Variants in CSMD1 observed in about 807,000 individuals in gnomAD.
CSMD1 encodes the protein CUB and Sushi multiple domains 1.
A neutral mutation model predicts 417.5 loss-of-function variants in CSMD1; 213 were observed. The ratio of observed to expected loss-of-function variants is 0.51; its 90% CI spans 0.46 to 0.57. The LOEUF is 0.57. CSMD1 is among the 20% of genes least tolerant of loss of function. The pLI, the probability that CSMD1 is intolerant of heterozygous loss-of-function variation, is 0.00. For synonymous variants in CSMD1, 2,862 were observed against 1,736.8 expected, an observed-to-expected ratio of 1.65 and a Z score of -16.11; for missense variants, 6,923 against 4,529.7, an observed-to-expected ratio of 1.53 and a Z score of -15.17.
At chr8:3,492,579 G>A (rs909782370) in intron 11 of CSMD1, among the ~76,000 whole-genome samples, 1 of 152,236 alleles carries the variant, frequency 6.6e-6, no homozygotes, top group Non-Finnish European at 1.5e-5. Context: ...CAGAGAGGAA[G>A]TACACCCTCA....
chr8:4,051,507 T>C (rs549380539), intron 3 of CSMD1, among the ~76,000 whole-genome samples: 6 of 152,264 alleles, frequency 3.9e-5, no homozygotes, highest in Non-Finnish European at 7.3e-5. Context: ...TGTATTTCCA[T>C]GACCTAGCAC....
rs182023034 is a variant in CSMD1 at position 3,690,888 on chromosome 8, A to G, written c.1009+17526T>C. On this transcript the variant is annotated intron_variant, in intron 7 of 69. Coordinates refer to ENST00000635120, the MANE Select transcript of CSMD1 (RefSeq NM_033225.6). ...AATACATTGATTTCATTTAATGTATAAATAAATTAAATAACAACAAATAAA... is the reference window on the plus strand; with the variant it reads ...AATACATTGATTTCATTTAATGTATGAATAAATTAAATAACAACAAATAAA... Among the ~76,000 whole-genome samples the G allele has an allele frequency of 5.2e-3, 797 of 152,342 alleles. 2 individuals carry two copies. Among genetic ancestry groups the G allele is most frequent in the Non-Finnish European group, 8.3e-3 (563 of 68,044 alleles).
intron 2 of CSMD1, among the ~76,000 whole-genome samples, chr8:4,466,565 A>C (rs1390955047): frequency 6.6e-6 from 1 of 152,258 alleles, no homozygotes; most frequent in Non-Finnish European, 1.5e-5. Context: ...ATGGGCAAAC[A>C]AATGCCAACA....
chr8:4,346,635 G>A (rs1037722573), intron 3 of CSMD1, among the ~76,000 whole-genome samples: 3 of 152,158 alleles, frequency 2.0e-5, no homozygotes, highest in African/African-American at 4.8e-5. Flanking sequence ...GAAAAAAATG[G>A]TAAGTGAAAT....
intron 37 of CSMD1, among the ~76,000 whole-genome samples, chr8:3,168,516 G>A (rs147474263): frequency 4.1e-4 from 62 of 152,234 alleles, no homozygotes; most frequent in African/African-American, 1.4e-3. Flanking sequence ...GACATCATGT[G>A]AGCCTGACAA....
intron 5 of CSMD1, among the ~76,000 whole-genome samples, chr8:3,805,289 G>T (rs536782482): frequency 3.3e-5 from 5 of 152,134 alleles, no homozygotes; most frequent in Non-Finnish European, 7.4e-5. Flanking sequence ...AGAGGAAGGA[G>T]CCACAGATTC....
At chr8:3,967,478 A>T (rs1205314149) in intron 5 of CSMD1, among the ~76,000 whole-genome samples, 1 of 151,312 alleles carries the variant, frequency 6.6e-6, no homozygotes, top group Non-Finnish European at 1.5e-5. Context: ...AAACAGATGG[A>T]AAGTTGTTGA....
At chr8:4,327,248 C>G (rs779703173) in intron 3 of CSMD1, among the ~76,000 whole-genome samples, 2 of 152,152 alleles carry the variant, frequency 1.3e-5, no homozygotes, top group Admixed American at 6.5e-5. Context: ...GTGTTTAATA[C>G]AAACGTCCAT....
At chr8:4,698,551 G>A (rs1440849925) in intron 1 of CSMD1, among the ~76,000 whole-genome samples, 2 of 151,796 alleles carry the variant, frequency 1.3e-5, no homozygotes, top group Non-Finnish European at 2.9e-5. Context: ...TTTTGAGACA[G>A]GGACAGATTT....
At chr8:3,983,995 G>T (rs199644891) in intron 5 of CSMD1, among the ~76,000 whole-genome samples, 10 of 32,650 alleles carry the variant, frequency 3.1e-4, no homozygotes, top group Admixed American at 1.7e-3. Flanking sequence ...TAGAGCACAG[G>T]GCAGATCTGA....
chr8:3,881,540 G>A (rs545519692), intron 5 of CSMD1, among the ~76,000 whole-genome samples: 3 of 150,276 alleles, frequency 2.0e-5, no homozygotes, highest in Non-Finnish European at 3.0e-5. Flanking sequence ...AGGAGGCTGA[G>A]GTTGCATTGA....
At chr8:4,346,751 G>A (rs890554993) in intron 3 of CSMD1, among the ~76,000 whole-genome samples, 7 of 152,072 alleles carry the variant, frequency 4.6e-5, no homozygotes, top group African/African-American at 1.7e-4. Flanking sequence ...TAAATTAACA[G>A]AATTCTTATC....
intron 1 of CSMD1, among the ~76,000 whole-genome samples, chr8:4,723,411 T>A (rs1002645252): frequency 3.3e-5 from 5 of 152,042 alleles, no homozygotes; most frequent in African/African-American, 1.2e-4. Flanking sequence ...AAAAAGAGGG[T>A]TTAATACTTT....
At chr8:4,966,405 A>C (rs1809861764) in intron 1 of CSMD1, among the ~76,000 whole-genome samples, 1 of 152,022 alleles carries the variant, frequency 6.6e-6, no homozygotes, top group Non-Finnish European at 1.5e-5. Flanking sequence ...ACAAAAAAAG[A>C]GTTCCAAACT....
rs1585084352 is a variant in CSMD1, at chr8:2,978,502, G to T, written c.8566+110C>A. Reference sequence around the variant, plus strand: ...AAAACTCCTACAATTGGTGATGGGAGGACAGAAGGAATTAAAATTCAGTGC... The same window carrying T: ...AAAACTCCTACAATTGGTGATGGGATGACAGAAGGAATTAAAATTCAGTGC... On this transcript the variant is annotated intron_variant, in intron 55 of 69. Coordinates refer to ENST00000635120, the MANE Select transcript of CSMD1 (RefSeq NM_033225.6). 4.9e-6 allele frequency: 4 copies of T among 824,326 alleles called. No homozygotes were observed. The East Asian group carries it at 8.1e-5, about 17-fold the overall frequency. 51.1% of individuals were successfully genotyped at this position (824,326 alleles called of 1,614,324 possible). A position where few individuals can be genotyped will look rare whatever the true frequency, so the allele number is the denominator to read the frequency against.
intron 5 of CSMD1, among the ~76,000 whole-genome samples, chr8:3,910,255 A>T (rs962505664): frequency 6.6e-6 from 1 of 152,140 alleles, no homozygotes; most frequent in African/African-American, 2.4e-5. Flanking sequence ...AATATGTCAG[A>T]GGCGTTTCCC....
intron 12 of CSMD1, among the ~76,000 whole-genome samples, chr8:3,436,885 T>C (rs573755663): frequency 1.3e-5 from 2 of 152,244 alleles, no homozygotes; most frequent in East Asian, 1.9e-4. Context: ...ATTAAGGTAA[T>C]GCCAATTATT....
At chr8:3,291,023 T>C (rs1803518809) in intron 25 of CSMD1, among the ~76,000 whole-genome samples, 1 of 152,172 alleles carries the variant, frequency 6.6e-6, no homozygotes, top group South Asian at 2.1e-4. Flanking sequence ...TTTTGAGAGT[T>C]TTTAGCATGA....
intron 2 of CSMD1, among the ~76,000 whole-genome samples, chr8:4,476,679 T>A (rs1316798330): frequency 9.2e-5 from 14 of 152,088 alleles, no homozygotes; most frequent in Admixed American, 9.2e-4. Context: ...GACTCCCAGG[T>A]CAAATGCCAG....
Sources: gnomAD v4.1 joint callset for allele counts (sites outside exome capture counted in the v4.1 genomes callset) on GRCh38, gnomAD v4.1.1 for gene constraint, MANE v1.5 for transcripts, NCBI Gene and HGNC (gene_info 2026-07-23, HGNC 2026-07-21) for gene names.